The following MAN1C1 variants were observed in gnomAD, a reference collection of about 807,000 sequenced individuals.
MAN1C1 encodes mannosyl-oligosaccharide 1,2-alpha-mannosidase IC.
In MAN1C1, 49 loss-of-function variants were observed where a neutral mutation model predicts 71.5. The observed-to-expected ratio is 0.69, with a 90% CI of 0.54 to 0.87. The LOEUF (loss-of-function observed/expected upper bound fraction) is 0.87. Ranked by LOEUF, MAN1C1 falls within the 40% of genes least tolerant of loss-of-function variation. The pLI, the probability that MAN1C1 is intolerant of heterozygous loss-of-function variation, is 0.00. For synonymous variants in MAN1C1, 352 were observed against 343.7 expected (o/e 1.02, Z -0.27); for missense variants, 743 against 835.0 (o/e 0.89, Z 1.36).
chr1:25,664,572 G>C (rs1315364507), intron 1 of MAN1C1, among the ~76,000 whole-genome samples: 4 of 152,150 alleles, frequency 2.6e-5, no homozygotes, highest in Admixed American at 2.0e-4. Flanking sequence ...TTTACAGCTC[G>C]GCAGCCAATG....
Position 25,769,070 on chromosome 1 carries a change from ACT to A in MAN1C1, c.1142-2585_1142-2584del, listed in dbSNP as rs1056041387. 1.7e-5 allele frequency among the ~76,000 whole-genome samples: 2 copies of A among 118,960 alleles called. No individual in the cohort carries two copies. Among genetic ancestry groups the A allele is most frequent in the Non-Finnish European group, 3.5e-5 (2 of 57,040 alleles). 78.0% of individuals were successfully genotyped at this position (118,960 alleles called of 152,430 possible). A position where few individuals can be genotyped will look rare whatever the true frequency, so the allele number is the denominator to read the frequency against. On this transcript the variant is annotated intron_variant, in intron 7 of 11. Transcript: ENST00000374332. This position sits in a 1 kb window ranked among gnomAD's most constrained non-coding sequence, Gnocchi z 4.8. ...CCCACACACACTACACACCACCCACACTCCCACACACACACCTATCACCCACA... is the reference window on the plus strand; with the variant it reads ...CCCACACACACTACACACCACCCACACCCACACACACACCTATCACCCACA...
intron 1 of MAN1C1, among the ~76,000 whole-genome samples, chr1:25,648,297 A>G (rs2045644055): frequency 6.6e-6 from 1 of 152,188 alleles, no homozygotes; most frequent in Admixed American, 6.5e-5. Flanking sequence ...CAGAACTAGA[A>G]CACACATCTG....
intron 1 of MAN1C1, among the ~76,000 whole-genome samples, chr1:25,671,705 T>C (rs2045994937): frequency 6.6e-6 from 1 of 152,210 alleles, no homozygotes; most frequent in Non-Finnish European, 1.5e-5. Context: ...TGAGGTAGTG[T>C]ATTAGTTTTA....
chr1:25,627,907 A>T (rs1384767592), intron 1 of MAN1C1, among the ~76,000 whole-genome samples: 2 of 151,664 alleles, frequency 1.3e-5, no homozygotes, highest in South Asian at 2.1e-4. Flanking sequence ...TCCAGGCATG[A>T]TGATGGTGCA....
At chr1:25,719,206 G>A (rs2046726095) in intron 2 of MAN1C1, among the ~76,000 whole-genome samples, 1 of 149,822 alleles carries the variant, frequency 6.7e-6, no homozygotes, top group African/African-American at 2.4e-5. Context: ...CCGAGTAGCT[G>A]GGACTACAGG....
intron 1 of MAN1C1, among the ~76,000 whole-genome samples, chr1:25,673,216 C>T (rs879461892): frequency 3.2e-4 from 48 of 152,080 alleles, no homozygotes; most frequent in Admixed American, 4.6e-4. Context: ...ATGGGAAGCC[C>T]GGGGCAGGCG....
intron 6 of MAN1C1, chr1:25,761,294 C>G (rs937143567): frequency 1.3e-5 from 2 of 152,082 alleles, no homozygotes; most frequent in African/African-American, 4.8e-5. Flanking sequence ...CAAGCCTCTC[C>G]CCCGAAATAA....
chr1:25,672,502 C>T (rs2046006186), intron 1 of MAN1C1, among the ~76,000 whole-genome samples: 1 of 152,218 alleles, frequency 6.6e-6, no homozygotes, highest in Admixed American at 6.5e-5. Flanking sequence ...TTCCTTGGCT[C>T]ATGGCCACCT....
chr1:25,679,233 G>A (rs565383853), intron 1 of MAN1C1, among the ~76,000 whole-genome samples: 4 of 152,294 alleles, frequency 2.6e-5, no homozygotes, highest in African/African-American at 9.6e-5. Flanking sequence ...CACCAAAGGA[G>A]CCTTTTAATT....
chr1:25,660,432 G>C (rs12730784), intron 1 of MAN1C1, among the ~76,000 whole-genome samples: 1 of 121,418 alleles, frequency 8.2e-6, no homozygotes, highest in African/African-American at 3.2e-5. Flanking sequence ...TTTGAGTGTC[G>C]CCTAGGCTGG....
chr1:25,720,065 C>T (rs1406739053), intron 2 of MAN1C1, among the ~76,000 whole-genome samples: 3 of 152,028 alleles, frequency 2.0e-5, no homozygotes, highest in African/African-American at 4.8e-5. Context: ...ATTACTGGCA[C>T]GAGCCACAGT....
intron 2 of MAN1C1, among the ~76,000 whole-genome samples, chr1:25,738,096 C>T (rs763640502): frequency 7.9e-5 from 12 of 151,808 alleles, no homozygotes; most frequent in Admixed American, 4.6e-4. Flanking sequence ...TATCAGCCTC[C>T]AGTAAGAGCA....
chr1:25,705,988 C>T (rs2046516495), intron 2 of MAN1C1, among the ~76,000 whole-genome samples: 1 of 152,184 alleles, frequency 6.6e-6, no homozygotes, highest in Admixed American at 6.5e-5. Flanking sequence ...ACACATGATT[C>T]TATACAGAAA....
intron 7 of MAN1C1, among the ~76,000 whole-genome samples, chr1:25,768,386 C>T (rs571676874): frequency 1.9e-4 from 27 of 142,432 alleles, no homozygotes; most frequent in Non-Finnish European, 3.5e-4. Flanking sequence ...CACACACTCC[C>T]CTCACATACA....
chr1:25,715,529 A>G (rs1246159369), intron 2 of MAN1C1, among the ~76,000 whole-genome samples: 1 of 152,194 alleles, frequency 6.6e-6, no homozygotes, highest in Admixed American at 6.5e-5. Flanking sequence ...TAGGTGTGAA[A>G]GTTACTGTGG....
intron 1 of MAN1C1, among the ~76,000 whole-genome samples, chr1:25,640,759 T>C (rs925330151): frequency 1.3e-5 from 2 of 152,186 alleles, no homozygotes; most frequent in African/African-American, 4.8e-5. Flanking sequence ...CCCACACTAA[T>C]GTACACTCAG....
chr1:25,746,612 T>C lies in MAN1C1; in HGVS notation c.638-56T>C. 1 of 1,355,934 alleles carries C rather than the reference T, an allele frequency of 7.4e-7. No homozygotes were observed. The highest frequency in any genetic ancestry group is 1.2e-5 in the South Asian group (1 of 82,716). 84.0% of individuals were successfully genotyped at this position (1,355,934 alleles called of 1,614,324 possible). Reference sequence around the variant, plus strand: ...GCCCTGAGAACGGTGGCTTGTCCAGTTGGGGAAAAGAGAAAGATGGCCCTG... The same window carrying C: ...GCCCTGAGAACGGTGGCTTGTCCAGCTGGGGAAAAGAGAAAGATGGCCCTG... On this transcript the variant is annotated intron_variant, in intron 2 of 11. Transcript: ENST00000374332. The surrounding 1 kb of genome is among the most constrained non-coding windows in gnomAD (Gnocchi z 4.0).
At chr1:25,765,480 C>T (rs901868073) in intron 7 of MAN1C1, among the ~76,000 whole-genome samples, 1 of 152,182 alleles carries the variant, frequency 6.6e-6, no homozygotes, top group Non-Finnish European at 1.5e-5. Flanking sequence ...GTTTTTGTGA[C>T]ATCAGCAAGG....
chr1:25,723,905 G>A (rs571262700), intron 2 of MAN1C1, among the ~76,000 whole-genome samples: 2 of 152,256 alleles, frequency 1.3e-5, no homozygotes, highest in South Asian at 4.2e-4. Flanking sequence ...TGGGCTGCGG[G>A]ATACTGTATC....
Sources: allele counts gnomAD v4.1 joint callset (sites outside exome capture counted in the v4.1 genomes callset), GRCh38; gene constraint gnomAD v4.1.1; non-coding constraint Gnocchi (gnomAD v3.1); transcripts MANE v1.5; gene names NCBI Gene and HGNC (gene_info 2026-07-23, HGNC 2026-07-21).